TTC39B: variants seen among roughly 807,000 people sequenced by gnomAD.
The protein encoded by TTC39B is tetratricopeptide repeat protein 39B.
TTC39B carries 92 observed loss-of-function variants against 96.6 expected under a neutral mutation model. The ratio of observed to expected loss-of-function variants is 0.95; its 90% CI spans 0.80 to 1.13. The LOEUF (loss-of-function observed/expected upper bound fraction) is 1.13, where lower values mean the gene tolerates loss of function less well. Ranked by LOEUF, TTC39B falls within the 50% of genes most tolerant of loss-of-function variation. TTC39B has a pLI of 0.00. For synonymous variants in TTC39B, 367 were observed against 299.4 expected (o/e 1.23, Z -2.33); for missense variants, 955 against 809.3 (o/e 1.18, Z -2.18).
At chr9:15,247,162 A>T (rs1822315871) in intron 2 of TTC39B, among the ~76,000 whole-genome samples, 1 of 152,220 alleles carries the variant, frequency 6.6e-6, no homozygotes, top group South Asian at 2.1e-4. Context: ...AAGTGACATA[A>T]CTGAGGATGT....
chr9:15,290,462 C>T (rs1473223709), intron 1 of TTC39B, among the ~76,000 whole-genome samples: 1 of 152,114 alleles, frequency 6.6e-6, no homozygotes, highest in East Asian at 1.9e-4. Flanking sequence ...AGAATCTTTA[C>T]CATAAAACAG....
intron 2 of TTC39B, among the ~76,000 whole-genome samples, chr9:15,261,273 G>A (rs2131534810): frequency 6.6e-6 from 1 of 152,182 alleles, no homozygotes; most frequent in Admixed American, 6.5e-5. Flanking sequence ...GAGTCCAGGA[G>A]TTCAAGACCA....
At chr9:15,197,821 A>G (rs1819262088) in intron 8 of TTC39B, among the ~76,000 whole-genome samples, 1 of 151,688 alleles carries the variant, frequency 6.6e-6, no homozygotes, top group Non-Finnish European at 1.5e-5. Context: ...CTTTAATACA[A>G]TAGGACGCCA....
chr9:15,225,942 G>T, exon 3 of TTC39B: 1 of 1,613,984 alleles, frequency 6.2e-7, no homozygotes, highest in Non-Finnish European at 8.5e-7. Flanking sequence ...GCTCCGCGCT[G>T]TCTGGGCGCC....
exon 20 of TTC39B, chr9:15,169,558 G>A (rs1817590591): frequency 6.6e-6 from 1 of 152,092 alleles, no homozygotes; most frequent in African/African-American, 2.4e-5. Context: ...TGTCACTTCA[G>A]TATTCATTCT....
intron 2 of TTC39B, among the ~76,000 whole-genome samples, chr9:15,239,766 G>A (rs1821956144): frequency 6.6e-6 from 1 of 152,164 alleles, no homozygotes; most frequent in Non-Finnish European, 1.5e-5. Context: ...AAGAGGGGAG[G>A]GAGGATGGAG....
chr9:15,244,106 T>C (rs1385165983), intron 2 of TTC39B, among the ~76,000 whole-genome samples: 12 of 152,228 alleles, frequency 7.9e-5, no homozygotes, highest in Non-Finnish European at 1.8e-4. Flanking sequence ...CTCCTTCACA[T>C]TATTTAAAAC....
intron 1 of TTC39B, among the ~76,000 whole-genome samples, chr9:15,276,034 T>C (rs1458897170): frequency 6.6e-6 from 1 of 152,192 alleles, no homozygotes; most frequent in Non-Finnish European, 1.5e-5. Flanking sequence ...CAAAGTCCCC[T>C]CTGGGAGCAG....
Position 15,306,152 on chromosome 9 carries a change from G to A in TTC39B, c.240+932C>T, listed in dbSNP as rs1447312780. On this transcript the variant is annotated intron_variant, in intron 1 of 19. Transcript: ENST00000512701. The surrounding 1 kb of genome is among the most constrained non-coding windows in gnomAD (Gnocchi z 5.1). ...TTGAAACCAAAGCCTTCTAAAGGCAGCGACTCGCACAATTCAAGTCAGGTA... is the reference window on the plus strand; with the variant it reads ...TTGAAACCAAAGCCTTCTAAAGGCAACGACTCGCACAATTCAAGTCAGGTA... Among the ~76,000 whole-genome samples, 1 of 152,206 alleles carries A rather than the reference G, an allele frequency of 6.6e-6. No homozygotes were observed. Among genetic ancestry groups the A allele is most frequent in the East Asian group, 1.9e-4 (1 of 5,194 alleles).
At chr9:15,250,088 G>C (rs1332330690) in intron 2 of TTC39B, 1 of 1,275,450 alleles carries the variant, frequency 7.8e-7, no homozygotes, top group South Asian at 1.3e-5. Context: ...TCTCCAGTGA[G>C]ACTCTCAATT....
chr9:15,169,195 C>T (rs991365428), exon 20 of TTC39B: 4 of 152,164 alleles, frequency 2.6e-5, no homozygotes, highest in African/African-American at 9.7e-5. Flanking sequence ...CAGCCTTTAT[C>T]CACTTGTCTC....
At chr9:15,287,248 C>T (rs539598485) in intron 1 of TTC39B, among the ~76,000 whole-genome samples, 3 of 152,276 alleles carry the variant, frequency 2.0e-5, no homozygotes, top group Non-Finnish European at 4.4e-5. Context: ...GGCTAAAACA[C>T]TATCTCTTAA....
At position 15,177,829 on chromosome 9, in the gene TTC39B, C is replaced by A. The variant is rs781039379; in HGVS notation, c.1724-15G>T. On this transcript the variant is annotated splice_polypyrimidine_tract_variant and intron_variant, in intron 17 of 19. Transcript: ENST00000512701. ...GCTGTTAAAATCTTAAAACAAAAAA[C>A]ATACAAAGAAAACACACAAAGAAAA... 35 of 1,259,436 alleles carry A rather than the reference C, an allele frequency of 2.8e-5. No homozygotes were observed. The highest frequency in any genetic ancestry group is 5.0e-5 in the East Asian group (2 of 39,814). 78.0% of individuals were successfully genotyped at this position (1,259,436 alleles called of 1,614,324 possible).
At chr9:15,247,163 C>A (rs1259779223) in intron 2 of TTC39B, among the ~76,000 whole-genome samples, 1 of 152,146 alleles carries the variant, frequency 6.6e-6, no homozygotes, top group Non-Finnish European at 1.5e-5. Context: ...AGTGACATAA[C>A]TGAGGATGTG....
Position 15,242,573 on chromosome 9 carries a change from A to C in TTC39B, c.276-16561T>G, listed in dbSNP as rs184273515. On this transcript the variant is annotated intron_variant, in intron 2 of 19. Transcript: ENST00000512701. The stretch of plus-strand genomic sequence containing the variant: ...ACTCCAACCTGGGTGACAGAGCAAG[A>C]CCCTATCTCAAAAAGAAAGAAAGAA... 9.2e-4 allele frequency among the ~76,000 whole-genome samples: 140 copies of C among 152,234 alleles called. 1 individual carries two copies. The highest frequency in any genetic ancestry group is 3.2e-3 in the African/African-American group (132 of 41,532).
At chr9:15,300,165 A>G (rs1455447653) in intron 1 of TTC39B, among the ~76,000 whole-genome samples, 1 of 152,160 alleles carries the variant, frequency 6.6e-6, no homozygotes, top group African/African-American at 2.4e-5. Context: ...ATGCTCCGCA[A>G]TCAGAAAATT....
At chr9:15,208,708 C>G (rs771890837) in intron 6 of TTC39B, among the ~76,000 whole-genome samples, 5 of 152,124 alleles carry the variant, frequency 3.3e-5, no homozygotes, top group Admixed American at 6.5e-5. Flanking sequence ...CCTAGAATGA[C>G]CAATGAAATG....
At chr9:15,221,203 C>T (rs1297205176) in intron 3 of TTC39B, among the ~76,000 whole-genome samples, 1 of 152,132 alleles carries the variant, frequency 6.6e-6, no homozygotes, top group Non-Finnish European at 1.5e-5. Context: ...TGTCTGTACC[C>T]ATTACCACTG....
chr9:15,248,169 A>T (rs1397236737), intron 2 of TTC39B, among the ~76,000 whole-genome samples: 1 of 152,194 alleles, frequency 6.6e-6, no homozygotes, highest in Admixed American at 6.5e-5. Flanking sequence ...TAAAATGGGA[A>T]ATTGATGACA....
Sources: gnomAD v4.1 joint callset for allele counts (sites outside exome capture counted in the v4.1 genomes callset) on GRCh38, gnomAD v4.1.1 for gene constraint, Gnocchi (gnomAD v3.1) non-coding constraint, MANE v1.5 for transcripts, NCBI Gene and HGNC (gene_info 2026-07-23, HGNC 2026-07-21) for gene names.